Variants in KAT14 observed in about 807,000 individuals in gnomAD.
The protein encoded by KAT14 is cysteine-rich protein 2-binding protein.
In KAT14, 66 loss-of-function variants were observed where a neutral mutation model predicts 78.4. The ratio of observed to expected loss-of-function variants is 0.84; its 90% CI spans 0.69 to 1.03. The LOEUF is 1.03. KAT14 is among the 50% of genes least tolerant of loss of function. The probability of loss-of-function intolerance (pLI) is 0.00; values close to 1 mark genes in which losing one functional copy is unlikely to be tolerated. For missense variants in KAT14, 870 were observed against 972.5 expected (o/e 0.89, Z 1.40); for synonymous variants, 344 against 359.4 (o/e 0.96, Z 0.48).
rs565965427 is a variant in KAT14, at chr20:18,139,561, A to C, written c.-454+1510A>C. 2.6e-5 allele frequency among the ~76,000 whole-genome samples: 4 copies of C among 152,268 alleles called. No individual in the cohort carries two copies. In the South Asian group the frequency reaches 6.2e-4, roughly 24 times the overall value. ...AAAGTAACCCAGAGAATTTTAACAC[A>C]GGACTAAGCACCATTGTGTTACAGA... On this transcript the variant is annotated intron_variant, in intron 1 of 10. Coordinates refer to ENST00000688188, the MANE Select transcript of KAT14 (RefSeq NM_001392073.1).
intron 2 of KAT14, chr20:18,143,144 C>A: frequency 7.9e-7 from 1 of 1,267,014 alleles, no homozygotes; most frequent in Non-Finnish European, 1.0e-6. Flanking sequence ...TTGGTGGTAA[C>A]TCAATAAAAT....
rs757442783 is a variant in KAT14 at position 18,181,820 on chromosome 20, C to T, written c.1779C>T (p.Thr593=). Residue 593 remains threonine (T), a synonymous_variant, in exon 8 of 11, where the codon ACC becomes ACT. Coordinates refer to ENST00000688188, the MANE Select transcript of KAT14 (RefSeq NM_001392073.1). Reference sequence around the variant, plus strand: ...ACCAGAGTATTGTCAGCCCTTATACCTCTCGGATCTTGAAACCTTATATCA... The same window carrying T: ...ACCAGAGTATTGTCAGCCCTTATACTTCTCGGATCTTGAAACCTTATATCA... ...AVDQSIVSPY[T]SRILKPYIRR... 6.2e-7 allele frequency: 1 copy of T among 1,614,104 alleles called. No homozygotes were observed. The highest frequency in any genetic ancestry group is 1.1e-5 in the South Asian group (1 of 91,080).
chr20:18,156,816 T>C (rs1003550463), intron 4 of KAT14, among the ~76,000 whole-genome samples: 1 of 152,216 alleles, frequency 6.6e-6, no homozygotes, highest in African/African-American at 2.4e-5. Context: ...ACACCAGTCA[T>C]ATTGGATTAG....
chr20:18,148,381 A>G (rs2037903288), intron 3 of KAT14, among the ~76,000 whole-genome samples: 3 of 152,154 alleles, frequency 2.0e-5, no homozygotes, highest in African/African-American at 7.2e-5. Context: ...TTTGGGAAGG[A>G]TAGGGAAGTT....
In KAT14 at chr20:18,142,698, G is replaced by A. The variant is rs776626826; in HGVS notation, c.38G>A (p.Arg13Gln). The change falls in exon 2 of 11, where the codon CGG (arginine) becomes CAG (glutamine). Residue 13 changes from arginine (R) to glutamine (Q), a missense_variant. Coordinates refer to ENST00000688188, the MANE Select transcript of KAT14 (RefSeq NM_001392073.1). Reference sequence around the variant, plus strand: ...ATCCACCTGAGTAGTCTGATCAGTCGGCATGATGACGAAGCCACGAGAACA... The same window carrying A: ...ATCCACCTGAGTAGTCTGATCAGTCAGCATGATGACGAAGCCACGAGAACA... The part of the protein sequence containing the change: ...SSIHLSSLIS[R>Q]HDDEATRTST... 12 of 1,614,158 alleles carry A rather than the reference G, an allele frequency of 7.4e-6. No homozygotes were observed. The highest frequency in any genetic ancestry group is 1.7e-5 in the Admixed American group (1 of 60,018).
intron 4 of KAT14, among the ~76,000 whole-genome samples, chr20:18,153,964 T>C (rs1330831441): frequency 1.3e-5 from 2 of 152,248 alleles, no homozygotes; most frequent in Non-Finnish European, 2.9e-5. Context: ...GGGAGGCTGC[T>C]ACAAGTGTTA....
Position 18,151,959 on chromosome 20 carries a change from C to T in KAT14, c.500+1017C>T, listed in dbSNP as rs183310131. Among the ~76,000 whole-genome samples the T allele has an allele frequency of 4.5e-3, 667 of 147,750 alleles. 7 individuals carry two copies. The South Asian group carries it at 0.053, about 12-fold the overall frequency. On this transcript the variant is annotated intron_variant, in intron 4 of 10. Transcript: ENST00000688188. The stretch of plus-strand genomic sequence containing the variant: ...TGGAGGTTGCAGTGAGCCAAGATTG[C>T]GCCATTGCACTCCAGCCTGGGCAAC...
chr20:18,152,745 C>T (rs2038093773), intron 4 of KAT14, among the ~76,000 whole-genome samples: 2 of 152,192 alleles, frequency 1.3e-5, no homozygotes, highest in Non-Finnish European at 2.9e-5. Context: ...AGTAGACACT[C>T]TTTTTTATTT....
intron 7 of KAT14, among the ~76,000 whole-genome samples, chr20:18,173,159 T>C (rs2038910895): frequency 6.6e-6 from 1 of 152,256 alleles, no homozygotes; most frequent in Admixed American, 6.5e-5. Context: ...CTCCTCCATC[T>C]GGAATCAAGA....
At chr20:18,158,030 C>T (rs186160210) in intron 4 of KAT14, among the ~76,000 whole-genome samples, 13 of 152,072 alleles carry the variant, frequency 8.5e-5, no homozygotes, top group Admixed American at 7.9e-4. Flanking sequence ...CTCCGCCTCT[C>T]GGGTTCAAAG....
chr20:18,164,108 A>G (rs944691308), intron 7 of KAT14, among the ~76,000 whole-genome samples: 40 of 152,174 alleles, frequency 2.6e-4, no homozygotes, highest in African/African-American at 8.7e-4. Context: ...CCTGGGGGCT[A>G]TAGTTTACCA....
At chr20:18,183,865 G>A (rs2039354604) in intron 9 of KAT14, among the ~76,000 whole-genome samples, 1 of 152,184 alleles carries the variant, frequency 6.6e-6, no homozygotes, top group Admixed American at 6.5e-5. Context: ...ACTATTCTTT[G>A]TGGATCTGCT....
At position 18,187,505 on chromosome 20, in the gene KAT14, G is replaced by A. The variant is rs751647992; in HGVS notation, c.*46G>A. 4.0e-5 allele frequency: 64 copies of A among 1,608,736 alleles called. No homozygotes were observed. The South Asian group carries it at 5.8e-4, about 15-fold the overall frequency. ...AAACGCATGTGCTATTGGAGAACAG[G>A]TCTTTGTGGAGATCTAAAGGCAGTG... is the stretch of plus-strand genomic sequence containing the variant. On this transcript the variant is annotated 3_prime_UTR_variant, in exon 11 of 11. Transcript: ENST00000688188.
chr20:18,164,176 G>C (rs2038549578), intron 7 of KAT14, among the ~76,000 whole-genome samples: 1 of 152,080 alleles, frequency 6.6e-6, no homozygotes, highest in Non-Finnish European at 1.5e-5. Flanking sequence ...CATCTTTCCT[G>C]GGAAGCACAG....
intron 8 of KAT14, 102 bp downstream of exon 8, chr20:18,181,948 CTG>C (rs1032609288): frequency 4.6e-6 from 7 of 1,509,830 alleles, no homozygotes; most frequent in Admixed American, 4.0e-5. Flanking sequence ...AGATCACAAA[CTG>C]TGAACAACAT....
chr20:18,152,731 G>C (rs2146386108), intron 4 of KAT14, among the ~76,000 whole-genome samples: 1 of 152,350 alleles, frequency 6.6e-6, no homozygotes, highest in East Asian at 1.9e-4. Flanking sequence ...TTTTAACTCT[G>C]TAAAGTAGAC....
intron 7 of KAT14, among the ~76,000 whole-genome samples, chr20:18,178,170 A>T (rs1043738689): frequency 6.6e-6 from 1 of 152,144 alleles, no homozygotes; most frequent in African/African-American, 2.4e-5. Context: ...TTTAAAAGGG[A>T]AACAGAACAT....
intron 3 of KAT14, 60 bp from the exon 4 acceptor site, chr20:18,150,761 C>T: frequency 1.9e-6 from 3 of 1,604,822 alleles, no homozygotes; most frequent in South Asian, 1.1e-5. Flanking sequence ...CTTTTCCCCC[C>T]TCAAGATTAA....
At chr20:18,167,880 G>C (rs1414013876) in intron 7 of KAT14, among the ~76,000 whole-genome samples, 1 of 137,412 alleles carries the variant, frequency 7.3e-6, no homozygotes, top group African/African-American at 2.8e-5. Context: ...ATATCATGTG[G>C]TTGTCCCCCC....
Sources: gnomAD v4.1 joint callset for allele counts (sites outside exome capture counted in the v4.1 genomes callset) on GRCh38, gnomAD v4.1.1 for gene constraint, MANE v1.5 for transcripts, NCBI Gene and HGNC (gene_info 2026-07-23, HGNC 2026-07-21) for gene names.